ZMAT4: variants seen among roughly 807,000 people sequenced by gnomAD.
ZMAT4 encodes the protein zinc finger matrin-type protein 4.
A neutral mutation model predicts 28.7 loss-of-function variants in ZMAT4; 17 were observed. That is an observed-to-expected ratio of 0.59 (90% confidence interval 0.41 to 0.89). The LOEUF (loss-of-function observed/expected upper bound fraction) is 0.89, where lower values mean the gene tolerates loss of function less well. ZMAT4 is among the 40% of genes least tolerant of loss of function. The pLI is 0.00. For missense variants in ZMAT4, 240 were observed against 283.8 expected (o/e 0.85, Z 1.11); for synonymous variants, 117 against 109.2 (o/e 1.07, Z -0.44).
intron 3 of ZMAT4, among the ~76,000 whole-genome samples, chr8:40,707,378 A>G (rs1810406629): frequency 6.6e-6 from 1 of 152,214 alleles, no homozygotes; most frequent in Non-Finnish European, 1.5e-5. Flanking sequence ...AAAAGAGCAG[A>G]TTCAGATTCA....
rs71224858 is a variant in ZMAT4 at position 40,845,776 on chromosome 8, T to TA, written c.-4-20097dup. On this transcript the variant is annotated intron_variant, in intron 1 of 6. Transcript: ENST00000297737. ...TCACTAGTTCAATACACTTAGTAGT[T>TA]AAAAAAAAAAAAAAAAAAAAAGAGA... Among the ~76,000 whole-genome samples the TA allele has an allele frequency of 5.5e-3, 712 of 129,546 alleles. 8 individuals are homozygous for TA. Among genetic ancestry groups the TA allele is most frequent in the African/African-American group, 0.017 (550 of 31,998 alleles). 85.0% of individuals were successfully genotyped at this position (129,546 alleles called of 152,430 possible).
At chr8:40,748,593 T>G (rs1812333481) in intron 3 of ZMAT4, among the ~76,000 whole-genome samples, 1 of 152,174 alleles carries the variant, frequency 6.6e-6, no homozygotes. Context: ...CAAGTTGTGT[T>G]CCTCCAAGCA....
intron 3 of ZMAT4, among the ~76,000 whole-genome samples, chr8:40,745,430 G>A (rs949343757): frequency 2.0e-5 from 3 of 152,186 alleles, no homozygotes; most frequent in African/African-American, 7.2e-5. Flanking sequence ...CCCACACTCA[G>A]AAAACTGCAT....
chr8:40,721,247 C>A (rs868484337), intron 3 of ZMAT4, among the ~76,000 whole-genome samples: 202 of 143,884 alleles, frequency 1.4e-3, no homozygotes, highest in African/African-American at 5.0e-3. Context: ...TTTGTTCTTG[C>A]GATAGTTTAC....
intron 1 of ZMAT4, among the ~76,000 whole-genome samples, chr8:40,834,210 T>G (rs1816395568): frequency 6.6e-6 from 1 of 152,152 alleles, no homozygotes; most frequent in South Asian, 2.1e-4. Context: ...CCTGATGACA[T>G]CTGGGAAGCA....
chr8:40,814,077 T>A (rs1041712574), intron 2 of ZMAT4, among the ~76,000 whole-genome samples: 1 of 152,102 alleles, frequency 6.6e-6, no homozygotes, highest in African/African-American at 2.4e-5. Flanking sequence ...CCTGAACAGG[T>A]GCAGTTACGC....
chr8:40,635,194 A>G (rs1004852884), intron 5 of ZMAT4, among the ~76,000 whole-genome samples: 1 of 152,204 alleles, frequency 6.6e-6, no homozygotes, highest in Non-Finnish European at 1.5e-5. Context: ...GATTTCTGAG[A>G]GGATCACTTA....
At chr8:40,601,620 A>T (rs868421795) in intron 5 of ZMAT4, among the ~76,000 whole-genome samples, 1 of 26,440 alleles carries the variant, frequency 3.8e-5, no homozygotes, top group Admixed American at 2.9e-4. Flanking sequence ...GAAAGAAAGA[A>T]AGAAAGAAAG....
intron 6 of ZMAT4, among the ~76,000 whole-genome samples, chr8:40,577,849 TCCCAA>T (rs1393215478): frequency 2.0e-5 from 3 of 151,856 alleles, no homozygotes; most frequent in Non-Finnish European, 1.5e-5. Flanking sequence ...TATTCTAGTA[TCCCAA>T]AACAATAAAT....
rs1295516371 is a variant in ZMAT4 at position 40,653,498 on chromosome 8, T to A, written c.577+21206A>T. ...GATTATTTGAAAAGATCAACAAAACTGATAAATATCTAGCTAAATTGACAA... is the reference window on the plus strand; with the variant it reads ...GATTATTTGAAAAGATCAACAAAACAGATAAATATCTAGCTAAATTGACAA... On this transcript the variant is annotated intron_variant, in intron 5 of 6. Transcript: ENST00000297737. 2.0e-5 allele frequency among the ~76,000 whole-genome samples: 3 copies of A among 152,028 alleles called. No individual in the cohort carries two copies. The East Asian group carries it at 5.8e-4, about 29-fold the overall frequency.
At chr8:40,843,403 C>T (rs1485338415) in intron 1 of ZMAT4, among the ~76,000 whole-genome samples, 5 of 152,118 alleles carry the variant, frequency 3.3e-5, no homozygotes, top group East Asian at 1.9e-4. Flanking sequence ...GTGTCCAGCT[C>T]ACTCCTAGGT....
chr8:40,652,287 A>T (rs9694876), intron 5 of ZMAT4, among the ~76,000 whole-genome samples: 1 of 89,814 alleles, frequency 1.1e-5, no homozygotes, highest in East Asian at 3.7e-4. Context: ...TGAACAGACA[A>T]TTCTCAAAAG....
intron 3 of ZMAT4, among the ~76,000 whole-genome samples, chr8:40,743,722 G>A (rs999843704): frequency 9.2e-5 from 14 of 152,168 alleles, no homozygotes; most frequent in Admixed American, 8.5e-4. Context: ...GGGAGCGGCC[G>A]ATTCCGGCGT....
intron 5 of ZMAT4, among the ~76,000 whole-genome samples, chr8:40,663,178 A>G (rs1808273020): frequency 6.6e-6 from 1 of 152,086 alleles, no homozygotes; most frequent in Non-Finnish European, 1.5e-5. Context: ...CCTGAATGCT[A>G]GTTATGATCA....
At chr8:40,557,347 T>G (rs959404824) in intron 6 of ZMAT4, among the ~76,000 whole-genome samples, 23 of 151,918 alleles carry the variant, frequency 1.5e-4, no homozygotes, top group Admixed American at 1.3e-3. Flanking sequence ...TTAATCTAGC[T>G]CCTACTCCTA....
intron 1 of ZMAT4, among the ~76,000 whole-genome samples, chr8:40,883,460 C>A (rs1391999820): frequency 6.6e-6 from 1 of 152,202 alleles, no homozygotes; most frequent in Admixed American, 6.5e-5. Flanking sequence ...GCCTCCCCTT[C>A]TCCCTCCTGG....
chr8:40,601,395 A>G (rs1397828494), intron 5 of ZMAT4, among the ~76,000 whole-genome samples: 2 of 128,216 alleles, frequency 1.6e-5, no homozygotes, highest in African/African-American at 3.0e-5. Flanking sequence ...GAAGGAAGGA[A>G]GGAGGAAAGA....
At chr8:40,772,246 A>T (rs1471771873) in intron 2 of ZMAT4, among the ~76,000 whole-genome samples, 1 of 152,210 alleles carries the variant, frequency 6.6e-6, no homozygotes, top group Non-Finnish European at 1.5e-5. Context: ...GATCCTAGGC[A>T]TTGTGCGGGG....
chr8:40,892,348 C>T (rs1043900235), intron 1 of ZMAT4, among the ~76,000 whole-genome samples: 4 of 152,154 alleles, frequency 2.6e-5, no homozygotes, highest in Non-Finnish European at 5.9e-5. Flanking sequence ...AGAACACATT[C>T]CCGCCACCCT....
Sources: allele counts gnomAD v4.1 joint callset (sites outside exome capture counted in the v4.1 genomes callset), GRCh38; gene constraint gnomAD v4.1.1; transcripts MANE v1.5; gene names NCBI Gene and HGNC (gene_info 2026-07-23, HGNC 2026-07-21).